ERBB4: variants seen among roughly 807,000 people sequenced by gnomAD.
The protein encoded by ERBB4 is erb-b2 receptor tyrosine kinase 4.
In ERBB4, 42 loss-of-function variants were observed where a neutral mutation model predicts 158.0. The ratio of observed to expected loss-of-function variants is 0.27; its 90% CI spans 0.21 to 0.34. ERBB4 has a LOEUF of 0.34. Ranked by LOEUF, ERBB4 falls within the 10% of genes least tolerant of loss-of-function variation. ERBB4 has a pLI of 1.00. For synonymous variants in ERBB4, 583 were observed against 558.7 expected (o/e 1.04, Z -0.61); for missense variants, 1,333 against 1,624.1 (o/e 0.82, Z 3.08).
At chr2:211,804,866 T>C (rs2076580055) in intron 3 of ERBB4, among the ~76,000 whole-genome samples, 1 of 152,006 alleles carries the variant, frequency 6.6e-6, no homozygotes, top group Non-Finnish European at 1.5e-5. Context: ...TCTTCATCCC[T>C]AACAGTGAGT....
At chr2:212,197,304 C>T (rs1352223534) in intron 1 of ERBB4, among the ~76,000 whole-genome samples, 2 of 152,132 alleles carry the variant, frequency 1.3e-5, no homozygotes, top group Non-Finnish European at 2.9e-5. Context: ...ACAAATTATT[C>T]TTAAGTCAGC....
At chr2:212,003,112 A>AGAAGGAAGGAAGGAAGGAAGGAAGGAAG (rs1217270481) in intron 2 of ERBB4, among the ~76,000 whole-genome samples, 7 of 48,190 alleles carry the variant, frequency 1.5e-4, no homozygotes, top group Admixed American at 3.6e-4. Flanking sequence ...AAAGAAAGAA[A>AGAAGGAAGGAAGGAAGGAAGGAAGGAAG]GAAGGAAGGA....
intron 25 of ERBB4, among the ~76,000 whole-genome samples, chr2:211,390,209 C>A (rs1413702186): frequency 6.6e-6 from 1 of 152,182 alleles, no homozygotes; most frequent in Non-Finnish European, 1.5e-5. Context: ...TTTACTAAAT[C>A]TCTACAGTGA....
intron 25 of ERBB4, among the ~76,000 whole-genome samples, chr2:211,390,579 C>G (rs2062779633): frequency 6.6e-6 from 1 of 152,174 alleles, no homozygotes; most frequent in Non-Finnish European, 1.5e-5. Flanking sequence ...CATCAGGGAA[C>G]AGTTTATTAT....
intron 3 of ERBB4, among the ~76,000 whole-genome samples, chr2:211,946,287 T>G (rs2080688242): frequency 6.6e-6 from 1 of 152,052 alleles, no homozygotes; most frequent in South Asian, 2.1e-4. Flanking sequence ...ACTATAAAGC[T>G]ATGTCTAACT....
intron 20 of ERBB4, among the ~76,000 whole-genome samples, chr2:211,436,518 G>T (rs1411376868): frequency 2.6e-5 from 4 of 152,276 alleles, no homozygotes; most frequent in Non-Finnish European, 5.9e-5. Flanking sequence ...AGGTAAATTA[G>T]CATATGCAAA....
intron 1 of ERBB4, among the ~76,000 whole-genome samples, chr2:212,282,281 T>C (rs924495873): frequency 6.6e-6 from 1 of 151,942 alleles, no homozygotes; most frequent in Non-Finnish European, 1.5e-5. Flanking sequence ...AAAATAATTG[T>C]AAACTTGGTT....
intron 1 of ERBB4, among the ~76,000 whole-genome samples, chr2:212,405,558 A>G (rs888347590): frequency 6.6e-6 from 1 of 152,204 alleles, no homozygotes; most frequent in Non-Finnish European, 1.5e-5. Flanking sequence ...AGCTTTGTGC[A>G]TTTGGAGATG....
chr2:211,508,861 C>T (rs535543790), intron 20 of ERBB4, among the ~76,000 whole-genome samples: 6 of 152,024 alleles, frequency 3.9e-5, no homozygotes, highest in African/African-American at 4.8e-5. Context: ...ACCCAGGAGG[C>T]GGAGCTTGCA....
Position 211,861,124 on chromosome 2 carries a change from T to TTATATATA in ERBB4, c.422-72973_422-72966dup, listed in dbSNP as rs143515103. Among the ~76,000 whole-genome samples the TTATATATA allele has an allele frequency of 3.0e-3, 61 of 20,256 alleles. 6 individuals are homozygous for TTATATATA. The highest frequency in any genetic ancestry group is 9.8e-3 in the African/African-American group (43 of 4,396). 13.3% of individuals were successfully genotyped at this position (20,256 alleles called of 152,430 possible). ...CATTATATATATTTATATATATATTTTATATATATATATATATATATATAT... is the reference window on the plus strand; with the variant it reads ...CATTATATATATTTATATATATATTTTATATATATATATATATATATATATATATATAT... On this transcript the variant is annotated intron_variant, in intron 3 of 27. Transcript: ENST00000342788.
At chr2:212,356,884 T>C (rs1046209964) in intron 1 of ERBB4, among the ~76,000 whole-genome samples, 1 of 151,908 alleles carries the variant, frequency 6.6e-6, no homozygotes, top group Non-Finnish European at 1.5e-5. Flanking sequence ...AACTTATACA[T>C]AGAAACACCA....
At chr2:212,418,254 T>G (rs2091705171) in intron 1 of ERBB4, among the ~76,000 whole-genome samples, 1 of 151,948 alleles carries the variant, frequency 6.6e-6, no homozygotes, top group Admixed American at 6.6e-5. Flanking sequence ...AGTAAAAATA[T>G]CAATGGTATA....
At chr2:212,304,346 G>A (rs1030286855) in intron 1 of ERBB4, among the ~76,000 whole-genome samples, 2 of 151,452 alleles carry the variant, frequency 1.3e-5, no homozygotes, top group Non-Finnish European at 3.0e-5. Flanking sequence ...TAATAAACTA[G>A]TAACAAAAAT....
At chr2:211,988,146 C>A (rs1411452610) in intron 2 of ERBB4, among the ~76,000 whole-genome samples, 1 of 152,076 alleles carries the variant, frequency 6.6e-6, no homozygotes. Context: ...TTTTAGAGAG[C>A]AAATGTTTAT....
At chr2:211,609,560 A>G (rs1436745077) in intron 19 of ERBB4, among the ~76,000 whole-genome samples, 2 of 152,120 alleles carry the variant, frequency 1.3e-5, no homozygotes, top group African/African-American at 2.4e-5. Context: ...ATTTTTCTTC[A>G]GAAACAGGAT....
At chr2:212,444,519 T>A (rs1377207988) in intron 1 of ERBB4, among the ~76,000 whole-genome samples, 1 of 152,160 alleles carries the variant, frequency 6.6e-6, no homozygotes, top group African/African-American at 2.4e-5. Context: ...ACTGTGAAGA[T>A]ATTTGTTTCC....
At chr2:212,319,636 T>G (rs2087466006) in intron 1 of ERBB4, among the ~76,000 whole-genome samples, 1 of 150,314 alleles carries the variant, frequency 6.7e-6, no homozygotes, top group Admixed American at 6.7e-5. Flanking sequence ...ACAGGAAACT[T>G]TGAATTGCAT....
intron 1 of ERBB4, among the ~76,000 whole-genome samples, chr2:212,521,844 G>T (rs1159587093): frequency 6.6e-6 from 1 of 151,796 alleles, no homozygotes; most frequent in Non-Finnish European, 1.5e-5. Flanking sequence ...TACTTCGCAT[G>T]ATCAATTCCA....
chr2:212,114,758 A>C (rs1031369065), intron 2 of ERBB4, among the ~76,000 whole-genome samples: 1 of 152,158 alleles, frequency 6.6e-6, no homozygotes, highest in Non-Finnish European at 1.5e-5. Flanking sequence ...AAAAACAACC[A>C]AGTGTTTGAC....
Sources: allele counts gnomAD v4.1 joint callset (sites outside exome capture counted in the v4.1 genomes callset), GRCh38; gene constraint gnomAD v4.1.1; transcripts MANE v1.5; gene names NCBI Gene and HGNC (gene_info 2026-07-23, HGNC 2026-07-21).